The following TTC29 variants were observed in gnomAD, a reference collection of about 807,000 sequenced individuals.
TTC29 encodes tetratricopeptide repeat protein 29.
Under a neutral mutation model 58.1 loss-of-function variants are expected in TTC29, and 49 were observed. The ratio of observed to expected loss-of-function variants is 0.84; its 90% confidence interval spans 0.67 to 1.07. TTC29 has a LOEUF of 1.07. Among genes scored for constraint, TTC29 ranks in the 50% least tolerant of loss-of-function variants. The pLI is 0.00. For missense variants in TTC29, 582 were observed against 555.6 expected, an observed-to-expected ratio of 1.05 and a Z score of -0.48; for synonymous variants, 209 against 196.8, an observed-to-expected ratio of 1.06 and a Z score of -0.52.
intron 11 of TTC29, among the ~76,000 whole-genome samples, chr4:146,772,173 C>T (rs1747790659): frequency 6.6e-6 from 1 of 152,062 alleles, no homozygotes; most frequent in Non-Finnish European, 1.5e-5. Flanking sequence ...GTGTAGTTTG[C>T]AAATATATTC....
At chr4:146,719,867 T>C (rs1743230367) in intron 11 of TTC29, among the ~76,000 whole-genome samples, 2 of 152,178 alleles carry the variant, frequency 1.3e-5, no homozygotes, top group South Asian at 2.1e-4. Context: ...CATGTTTTCA[T>C]TGGAGCTCAC....
chr4:146,730,066 A>G (rs978450351), intron 11 of TTC29, among the ~76,000 whole-genome samples: 3 of 152,118 alleles, frequency 2.0e-5, no homozygotes, highest in Admixed American at 6.6e-5. Context: ...TTACCAAGTT[A>G]TCTTATTTTT....
chr4:146,804,406 G>A (rs1009144173), intron 10 of TTC29, among the ~76,000 whole-genome samples: 1 of 152,082 alleles, frequency 6.6e-6, no homozygotes, highest in Admixed American at 6.5e-5. Context: ...CCCTGGAAAG[G>A]AGGCTGAAGC....
At position 146,728,804 on chromosome 4, in the gene TTC29, CACATATATATGTGTATATATACATATAT is replaced by C. The variant is rs1744036715; in HGVS notation, c.1331-21281_1331-21254del. On this transcript the variant is annotated intron_variant, in intron 11 of 12. Coordinates refer to ENST00000325106, the MANE Select transcript of TTC29 (RefSeq NM_031956.4). ...ATATGTGTATATATACGTATATATACACATATATATGTGTATATATACATATATATACACATATATATGTATATATATA... is the reference window on the plus strand; with the variant it reads ...ATATGTGTATATATACGTATATATACATACACATATATATGTATATATATA... Among the ~76,000 whole-genome samples, 5 of 115,520 alleles carry C rather than the reference CACATATATATGTGTATATATACATATAT, an allele frequency of 4.3e-5. 1 individual carries two copies. The highest frequency in any genetic ancestry group is 1.6e-4 in the African/African-American group (5 of 31,654). The allele number at this position is 115,520 out of a possible 152,430, so 75.8% of individuals were successfully genotyped here.
At chr4:146,831,320 A>G (rs1728144526) in intron 9 of TTC29, among the ~76,000 whole-genome samples, 1 of 152,156 alleles carries the variant, frequency 6.6e-6, no homozygotes, top group Admixed American at 6.5e-5. Context: ...GCTGGTCTCA[A>G]ACTCTTGCAC....
intron 4 of TTC29, among the ~76,000 whole-genome samples, chr4:146,930,106 T>C (rs867611167): frequency 1.6e-5 from 2 of 128,356 alleles, no homozygotes; most frequent in African/African-American, 6.6e-5. Flanking sequence ...TATATATATA[T>C]ATATATATAT....
intron 9 of TTC29, among the ~76,000 whole-genome samples, chr4:146,833,464 G>A (rs17609859): frequency 0.063 from 9,581 of 152,248 alleles, 403 homozygotes; most frequent in Admixed American, 0.13. Flanking sequence ...AGGTTATGGT[G>A]AGCCACAGCC....
chr4:146,904,822 A>G (rs1733414775), intron 5 of TTC29, among the ~76,000 whole-genome samples: 1 of 152,174 alleles, frequency 6.6e-6, no homozygotes, highest in Non-Finnish European at 1.5e-5. Flanking sequence ...TAAGATTAAA[A>G]CCAAAAGTCA....
At chr4:146,774,324 T>C (rs1266400546) in intron 11 of TTC29, among the ~76,000 whole-genome samples, 1 of 152,192 alleles carries the variant, frequency 6.6e-6, no homozygotes, top group Non-Finnish European at 1.5e-5. Flanking sequence ...GATGTTATGT[T>C]GTTAATGAGA....
intron 6 of TTC29, among the ~76,000 whole-genome samples, chr4:146,899,687 C>G (rs1029746736): frequency 6.6e-6 from 1 of 152,252 alleles, no homozygotes; most frequent in Admixed American, 6.5e-5. Context: ...CACATTTACA[C>G]CAGTGGGATG....
chr4:146,764,473 T>C (rs1394741951), intron 11 of TTC29, among the ~76,000 whole-genome samples: 1 of 152,024 alleles, frequency 6.6e-6, no homozygotes, highest in African/African-American at 2.4e-5. Context: ...GTAATGTTTC[T>C]TAAGGCATTA....
chr4:146,730,186 T>C (rs1744222411), intron 11 of TTC29, among the ~76,000 whole-genome samples: 1 of 152,146 alleles, frequency 6.6e-6, no homozygotes, highest in Admixed American at 6.6e-5. Flanking sequence ...GTATCTTCTT[T>C]CTTTCTCTAT....
At chr4:146,777,921 A>G (rs1348404648) in intron 11 of TTC29, among the ~76,000 whole-genome samples, 1 of 152,230 alleles carries the variant, frequency 6.6e-6, no homozygotes, top group African/African-American at 2.4e-5. Context: ...AGATTGCTCA[A>G]TGAGCAAGCC....
At chr4:146,920,437 A>C (rs1432503420) in intron 4 of TTC29, among the ~76,000 whole-genome samples, 1 of 151,176 alleles carries the variant, frequency 6.6e-6, no homozygotes, top group African/African-American at 2.4e-5. Context: ...TTTTAAGAGA[A>C]ATATAACGTT....
intron 11 of TTC29, among the ~76,000 whole-genome samples, chr4:146,801,397 G>A (rs1750206567): frequency 6.6e-6 from 1 of 152,064 alleles, no homozygotes; most frequent in Non-Finnish European, 1.5e-5. Context: ...CTTGTACTTG[G>A]ACCCAAAAGG....
At chr4:146,768,503 C>T (rs946794031) in intron 11 of TTC29, among the ~76,000 whole-genome samples, 1 of 151,952 alleles carries the variant, frequency 6.6e-6, no homozygotes, top group Non-Finnish European at 1.5e-5. Context: ...CTGAGAAAAT[C>T]TGGCTCAAAT....
At chr4:146,730,679 G>T (rs1744266408) in intron 11 of TTC29, among the ~76,000 whole-genome samples, 1 of 152,118 alleles carries the variant, frequency 6.6e-6, no homozygotes, top group African/African-American at 2.4e-5. Flanking sequence ...TGACGAAGGA[G>T]TTATCAACTT....
At chr4:146,896,788 C>T (rs947836806) in intron 6 of TTC29, among the ~76,000 whole-genome samples, 1 of 152,126 alleles carries the variant, frequency 6.6e-6, no homozygotes, top group African/African-American at 2.4e-5. Flanking sequence ...GTCAATTTCA[C>T]TCTTTTTCTA....
At chr4:146,893,087 T>A (rs1732496143) in intron 6 of TTC29, among the ~76,000 whole-genome samples, 1 of 152,096 alleles carries the variant, frequency 6.6e-6, no homozygotes, top group South Asian at 2.1e-4. Flanking sequence ...ATCAATATCG[T>A]GAAAATGGCC....
Sources: allele counts gnomAD v4.1 joint callset (sites outside exome capture counted in the v4.1 genomes callset), GRCh38; gene constraint gnomAD v4.1.1; transcripts MANE v1.5; gene names NCBI Gene and HGNC (gene_info 2026-07-23, HGNC 2026-07-21).